Variants in TBPL2 observed in about 807,000 individuals in gnomAD.
TBPL2 encodes TATA box-binding protein-like 2.
TBPL2 carries 40 observed loss-of-function variants against 38.2 expected under a neutral mutation model. That is an observed-to-expected ratio of 1.05 (90% CI 0.81 to 1.36). The LOEUF (loss-of-function observed/expected upper bound fraction) is 1.36. Ranked by LOEUF, TBPL2 falls within the 40% of genes most tolerant of loss-of-function variation. The pLI is 0.00. For missense variants in TBPL2, 461 were observed against 456.7 expected (o/e 1.01, Z -0.09); for synonymous variants, 169 against 171.7 (o/e 0.98, Z 0.12).
chr14:55,429,504 C>T (rs1594792427), intron 4 of TBPL2, among the ~76,000 whole-genome samples: 1 of 152,334 alleles, frequency 6.6e-6, no homozygotes, highest in Non-Finnish European at 1.5e-5. Context: ...TGGCTCACGC[C>T]TGTAATCCCA....
intron 5 of TBPL2, among the ~76,000 whole-genome samples, chr14:55,427,420 T>G (rs921275494): frequency 2.6e-5 from 4 of 152,204 alleles, no homozygotes; most frequent in African/African-American, 9.7e-5. Context: ...TAACTTCCAT[T>G]CAGATCATAT....
chr14:55,417,626 A>G (rs1353662110), intron 6 of TBPL2, among the ~76,000 whole-genome samples: 1 of 152,012 alleles, frequency 6.6e-6, no homozygotes, highest in Non-Finnish European at 1.5e-5. Flanking sequence ...TGTCTGGCTA[A>G]TTTTGTCTAT....
At chr14:55,430,098 G>C (rs1171195628) in intron 4 of TBPL2, among the ~76,000 whole-genome samples, 1 of 152,136 alleles carries the variant, frequency 6.6e-6, no homozygotes. Context: ...GTGGAGTCCT[G>C]AGAGGTGAGG....
At chr14:55,437,069 TG>T (rs776714755) in intron 1 of TBPL2, 51 bp from the exon 2 acceptor site, 1 of 1,519,596 alleles carries the variant, frequency 6.6e-7, no homozygotes, top group South Asian at 1.1e-5. Context: ...CAGAACAGCA[TG>T]TTACACAAAA....
intron 5 of TBPL2, among the ~76,000 whole-genome samples, chr14:55,425,497 G>A (rs1354270548): frequency 1.3e-5 from 2 of 152,214 alleles, no homozygotes; most frequent in African/African-American, 4.8e-5. Flanking sequence ...AAGATTACCA[G>A]TATAATGTGC....
intron 1 of TBPL2, among the ~76,000 whole-genome samples, chr14:55,437,659 T>C (rs564154345): frequency 1.3e-5 from 2 of 152,366 alleles, no homozygotes; most frequent in East Asian, 3.9e-4. Context: ...TAAATTGTTG[T>C]ATACTTTGAA....
At chr14:55,424,860 T>G (rs2140169424) in intron 5 of TBPL2, among the ~76,000 whole-genome samples, 1 of 152,294 alleles carries the variant, frequency 6.6e-6, no homozygotes, top group South Asian at 2.1e-4. Context: ...ATGATAGCAC[T>G]TAAGAGCTTC....
chr14:55,429,962 C>T (rs1012912766), intron 4 of TBPL2, among the ~76,000 whole-genome samples: 5 of 152,092 alleles, frequency 3.3e-5, no homozygotes, highest in African/African-American at 9.6e-5. Context: ...TTGTTTTGCT[C>T]GGCTTTCTCA....
chr14:55,424,654 C>T (rs8019080), intron 5 of TBPL2, among the ~76,000 whole-genome samples: 108,692 of 152,122 alleles, frequency 0.71, 39,063 homozygotes, highest in African/African-American at 0.78. Context: ...TATGCTTTTA[C>T]GAACTGCTGA....
At chr14:55,414,360 G>C in exon 7 of TBPL2, 1 of 1,564,794 alleles carries the variant, frequency 6.4e-7, no homozygotes, top group Non-Finnish European at 8.7e-7. Context: ...AGAATAATGT[G>C]AGATGCTGAA....
At chr14:55,433,023 A>T (rs527884216) in intron 4 of TBPL2, among the ~76,000 whole-genome samples, 1 of 152,204 alleles carries the variant, frequency 6.6e-6, no homozygotes, top group Non-Finnish European at 1.5e-5. Context: ...ACACTTCATC[A>T]TTACTGTAAC....
At chr14:55,432,452 A>AACACAAAAAAAC (rs1418981264) in intron 4 of TBPL2, among the ~76,000 whole-genome samples, 4 of 151,878 alleles carry the variant, frequency 2.6e-5, no homozygotes, top group African/African-American at 7.3e-5. Flanking sequence ...AACAAAAAAA[A>AACACAAAAAAAC]CACCATAAAA....
At chr14:55,422,462 G>T (rs1566591087) in intron 6 of TBPL2, among the ~76,000 whole-genome samples, 1 of 152,072 alleles carries the variant, frequency 6.6e-6, no homozygotes, top group Non-Finnish European at 1.5e-5. Flanking sequence ...TGTTGGCCAG[G>T]CTCATCTTGA....
intron 6 of TBPL2, among the ~76,000 whole-genome samples, chr14:55,422,524 C>T (rs1203590186): frequency 2.0e-5 from 3 of 152,168 alleles, no homozygotes; most frequent in Non-Finnish European, 2.9e-5. Context: ...GCTAGGATTA[C>T]AGGCGTGAGC....
intron 6 of TBPL2, among the ~76,000 whole-genome samples, chr14:55,420,294 C>A (rs1326045489): frequency 6.6e-6 from 1 of 152,212 alleles, no homozygotes; most frequent in African/African-American, 2.4e-5. Flanking sequence ...TGGTCTTGAA[C>A]TCAGCCTCCC....
intron 5 of TBPL2, among the ~76,000 whole-genome samples, chr14:55,425,419 A>G (rs1885806323): frequency 6.6e-6 from 1 of 152,246 alleles, no homozygotes; most frequent in African/African-American, 2.4e-5. Context: ...AGACTTAGAA[A>G]AGAGAAAACA....
chr14:55,428,709 TAATCACAA>T, intron 5 of TBPL2, 90 bp downstream of exon 5: 1 of 1,306,254 alleles, frequency 7.7e-7, no homozygotes. Flanking sequence ...TTTTTTTTTT[TAATCACAA>T]TTTCTCTGAA....
intron 5 of TBPL2, among the ~76,000 whole-genome samples, chr14:55,427,551 G>A (rs1458776657): frequency 1.3e-5 from 2 of 152,150 alleles, no homozygotes; most frequent in Non-Finnish European, 2.9e-5. Flanking sequence ...AAGAACTTCA[G>A]TTCCAGCTTG....
At chr14:55,440,597 A>G (rs1886097259) in exon 1 of TBPL2, 1 of 1,514,304 alleles carries the variant, frequency 6.6e-7, no homozygotes, top group South Asian at 1.3e-5. Context: ...AGGTTCCTGC[A>G]GAGGGCGCGA....
Sources: allele counts gnomAD v4.1 joint callset (sites outside exome capture counted in the v4.1 genomes callset), GRCh38; gene constraint gnomAD v4.1.1; transcripts MANE v1.5; gene names NCBI Gene and HGNC (gene_info 2026-07-23, HGNC 2026-07-21).